Variants in MECOM observed in about 807,000 individuals in gnomAD.
The protein encoded by MECOM is histone-lysine N-methyltransferase MECOM.
Under a neutral mutation model 116.3 loss-of-function variants are expected in MECOM, and 13 were observed. The ratio of observed to expected loss-of-function variants is 0.11; its 90% confidence interval spans 0.07 to 0.18. The LOEUF (loss-of-function observed/expected upper bound fraction) is 0.18, where lower values mean the gene tolerates loss of function less well. Among genes scored for constraint, MECOM ranks in the 10% least tolerant of loss-of-function variants. The probability of loss-of-function intolerance (pLI) is 1.00; values close to 1 mark genes in which losing one functional copy is unlikely to be tolerated. For synonymous variants in MECOM, 528 were observed against 535.2 expected, an observed-to-expected ratio of 0.99 and a Z score of 0.19; for missense variants, 1,299 against 1,509.0, an observed-to-expected ratio of 0.86 and a Z score of 2.31.
intron 1 of MECOM, among the ~76,000 whole-genome samples, chr3:169,598,112 A>G (rs951822548): frequency 6.6e-6 from 1 of 152,208 alleles, no homozygotes; most frequent in East Asian, 1.9e-4. Context: ...CATAAGTTTT[A>G]CCAGGATGAA....
intron 15 of MECOM, among the ~76,000 whole-genome samples, chr3:169,089,737 T>G (rs1719044067): frequency 6.6e-6 from 1 of 152,098 alleles, no homozygotes; most frequent in African/African-American, 2.4e-5. Context: ...CAATAAATGA[T>G]TGTGTACTTA....
intron 1 of MECOM, among the ~76,000 whole-genome samples, chr3:169,393,381 A>G (rs1452620164): frequency 6.6e-6 from 1 of 152,132 alleles, no homozygotes; most frequent in East Asian, 1.9e-4. Context: ...ATTTTTCTCA[A>G]ATAATTTCTA....
intron 1 of MECOM, among the ~76,000 whole-genome samples, chr3:169,637,231 T>C (rs4955665): frequency 0.42 from 63,878 of 151,974 alleles, 13,808 homozygotes; most frequent in East Asian, 0.61. Flanking sequence ...ACATCCAGCT[T>C]AGTGGTCTTC....
At chr3:169,654,391 T>C (rs773912859) in intron 1 of MECOM, among the ~76,000 whole-genome samples, 11 of 152,212 alleles carry the variant, frequency 7.2e-5, no homozygotes, top group Admixed American at 3.3e-4. Flanking sequence ...GTTCATCCCT[T>C]AAAAACTTAT....
At chr3:169,429,090 A>C (rs571666091) in intron 1 of MECOM, among the ~76,000 whole-genome samples, 3 of 152,358 alleles carry the variant, frequency 2.0e-5, no homozygotes, top group Non-Finnish European at 2.9e-5. Flanking sequence ...CATGAGTGTC[A>C]GTTGAAATGA....
chr3:169,218,661 A>G (rs1457117434), intron 2 of MECOM, among the ~76,000 whole-genome samples: 1 of 152,210 alleles, frequency 6.6e-6, no homozygotes, highest in Admixed American at 6.5e-5. Context: ...CAATTAGGAA[A>G]GTATCCTTTT....
chr3:169,206,699 G>C (rs1198402440), intron 2 of MECOM, among the ~76,000 whole-genome samples: 1 of 150,320 alleles, frequency 6.7e-6, no homozygotes, highest in Non-Finnish European at 1.5e-5. Context: ...GTTGCAGTGA[G>C]CCGAGATTGC....
At chr3:169,407,000 G>A (rs1486235918) in intron 1 of MECOM, among the ~76,000 whole-genome samples, 3 of 151,536 alleles carry the variant, frequency 2.0e-5, no homozygotes, top group Admixed American at 6.6e-5. Flanking sequence ...CTGCCACCAC[G>A]CCCAGCTAAT....
intron 7 of MECOM, 79 bp from the exon 8 acceptor site, chr3:169,116,818 C>A: frequency 6.7e-7 from 1 of 1,488,260 alleles, no homozygotes; most frequent in Non-Finnish European, 8.9e-7. Context: ...AATTGGTTTA[C>A]TCAAAATTTC....
In MECOM at chr3:169,433,639, GAGAAAGAAAGAAAGAAAGAAAGAAAGAA is replaced by G. The variant is rs748166969; in HGVS notation, c.38-52143_38-52116del. Among the ~76,000 whole-genome samples the G allele has an allele frequency of 6.0e-4, 76 of 127,052 alleles. No homozygotes were observed. The East Asian group carries it at 7.8e-3, about 13-fold the overall frequency. The allele number at this position is 127,052 out of a possible 152,430, so 83.4% of individuals were successfully genotyped here. ...GAAGGAGAAAAGAAAGAAAGAGAAA[GAGAAAGAAAGAAAGAAAGAAAGAAAGAA>G]AGAAAGAAAGAAAGAAAGAAAGAGA... On this transcript the variant is annotated intron_variant, in intron 1 of 16. Transcript: ENST00000651503.
At position 169,195,828 on chromosome 3, in the gene MECOM, G is replaced by C. The variant is rs571657913; in HGVS notation, c.376-51996C>G. 7.9e-5 allele frequency among the ~76,000 whole-genome samples: 12 copies of C among 151,940 alleles called. No individual in the cohort carries two copies. The South Asian group carries it at 8.3e-4, about 11-fold the overall frequency. On this transcript the variant is annotated intron_variant, in intron 2 of 16. Coordinates refer to ENST00000651503, the MANE Select transcript of MECOM (RefSeq NM_004991.4). ...CAGAGCAATTGATTGATGAATCCTCGCTCTGTCAAGAGGCAGCCTTCAGAT... is the reference window on the plus strand; with the variant it reads ...CAGAGCAATTGATTGATGAATCCTCCCTCTGTCAAGAGGCAGCCTTCAGAT...
At chr3:169,177,557 T>C (rs553114596) in intron 2 of MECOM, among the ~76,000 whole-genome samples, 1 of 152,190 alleles carries the variant, frequency 6.6e-6, no homozygotes, top group East Asian at 1.9e-4. Flanking sequence ...GTAACAAACC[T>C]GCATTTTCTG....
chr3:169,243,195 T>A (rs967320608), intron 2 of MECOM, among the ~76,000 whole-genome samples: 1 of 152,202 alleles, frequency 6.6e-6, no homozygotes, highest in African/African-American at 2.4e-5. Context: ...GCACAAACCA[T>A]GTTTTGTATT....
At chr3:169,662,373 A>C (rs192242330) in intron 1 of MECOM, among the ~76,000 whole-genome samples, 2,026 of 152,186 alleles carry the variant, frequency 0.013, 54 homozygotes, top group East Asian at 0.089. Context: ...GGCGCCCAGC[A>C]AGCCCGAGGT....
At chr3:169,156,464 C>A (rs1169223497) in intron 2 of MECOM, among the ~76,000 whole-genome samples, 1 of 152,092 alleles carries the variant, frequency 6.6e-6, no homozygotes, top group East Asian at 1.9e-4. Context: ...AAAAAAAAGT[C>A]CCCACAAAAC....
At chr3:169,373,848 C>T (rs761262609) in intron 2 of MECOM, among the ~76,000 whole-genome samples, 1 of 152,008 alleles carries the variant, frequency 6.6e-6, no homozygotes, top group Non-Finnish European at 1.5e-5. Context: ...CCTCCTCTTT[C>T]AGAGTCACAT....
chr3:169,579,400 A>G (rs888055540), intron 1 of MECOM, among the ~76,000 whole-genome samples: 1 of 152,170 alleles, frequency 6.6e-6, no homozygotes, highest in Non-Finnish European at 1.5e-5. Flanking sequence ...TCTGTTTTTT[A>G]GGCCTCATCT....
At chr3:169,323,577 C>T (rs1721287141) in intron 2 of MECOM, among the ~76,000 whole-genome samples, 1 of 152,090 alleles carries the variant, frequency 6.6e-6, no homozygotes, top group Admixed American at 6.6e-5. Flanking sequence ...TTATGGCAAG[C>T]CTAATGTTTT....
At chr3:169,149,530 C>G (rs1240290461) in intron 2 of MECOM, 1 of 266,708 alleles carries the variant, frequency 3.7e-6, no homozygotes, top group African/African-American at 2.3e-5. Context: ...GCCGGCGGCT[C>G]CAGCCACCCA....
Sources: gnomAD v4.1 joint callset for allele counts (sites outside exome capture counted in the v4.1 genomes callset) on GRCh38, gnomAD v4.1.1 for gene constraint, MANE v1.5 for transcripts, NCBI Gene and HGNC (gene_info 2026-07-23, HGNC 2026-07-21) for gene names.